The following CAMKK1 variants were observed in gnomAD, a reference collection of about 807,000 sequenced individuals.
CAMKK1 encodes calcium/calmodulin dependent protein kinase kinase 1, also known as calcium/calmodulin-dependent protein kinase kinase 1.
In CAMKK1, 20 loss-of-function variants were observed where a neutral mutation model predicts 63.5. That is an observed-to-expected ratio of 0.32 (90% CI 0.22 to 0.46). The LOEUF (loss-of-function observed/expected upper bound fraction) is 0.46. Ranked by LOEUF, CAMKK1 falls within the 20% of genes least tolerant of loss-of-function variation. The probability of loss-of-function intolerance (pLI) is 1.00; values close to 1 mark genes in which losing one functional copy is unlikely to be tolerated. For missense variants in CAMKK1, 588 were observed against 658.1 expected, an observed-to-expected ratio of 0.89 and a Z score of 1.17; for synonymous variants, 253 against 269.0, an observed-to-expected ratio of 0.94 and a Z score of 0.58.
intron 1 of CAMKK1, among the ~76,000 whole-genome samples, chr17:3,891,470 G>A (rs893711393): frequency 2.6e-5 from 4 of 152,138 alleles, no homozygotes; most frequent in Non-Finnish European, 5.9e-5. Context: ...AGGAAGGAAG[G>A]GGCAGTAGGC....
chr17:3,883,923 C>A lies in CAMKK1; in HGVS notation c.423G>T (p.Val141=), dbSNP rs766191174. The A allele has an allele frequency of 3.7e-6, 6 of 1,613,782 alleles. No homozygotes were observed. In the South Asian group the frequency reaches 6.6e-5, roughly 18 times the overall value. ...CACTTTCGTTGTAGGCCAGCCTCACCACACCGTAGGCACCCTGCAGATAGG... is the reference window on the plus strand; with the variant it reads ...CACTTTCGTTGTAGGCCAGCCTCACAACACCGTAGGCACCCTGCAGATAGG... The part of the protein sequence containing the change: ...QSEIGKGAYG[V]VRLAYNESED... The change falls in exon 4 of 16, where the codon GTG becomes GTT. Residue 141 remains valine, a synonymous_variant. Coordinates refer to ENST00000348335, the MANE Select transcript of CAMKK1 (RefSeq NM_032294.3). This position sits in a 1 kb window ranked among gnomAD's most constrained non-coding sequence, Gnocchi z 4.7.
rs758482516 is a variant in CAMKK1 at position 3,882,590 on chromosome 17, G to A, written c.649-26C>T. 1.9e-6 allele frequency: 3 copies of A among 1,585,632 alleles called. No individual in the cohort carries two copies. The highest frequency in any genetic ancestry group is 1.7e-6 in the Non-Finnish European group (2 of 1,165,936). ...CTGGTCAGAGGGAGCAGACATGGGGGTGGGGCTTGAGGAGGCGTGGGGTTG... is the reference window on the plus strand; with the variant it reads ...CTGGTCAGAGGGAGCAGACATGGGGATGGGGCTTGAGGAGGCGTGGGGTTG... On this transcript the variant is annotated intron_variant, in intron 6 of 15. Transcript: ENST00000348335. The surrounding 1 kb of genome is among the most constrained non-coding windows in gnomAD (Gnocchi z 4.3).
chr17:3,881,688 C>T (rs748652988), intron 7 of CAMKK1, 40 bp from the exon 8 acceptor site: 1 of 1,551,890 alleles, frequency 6.4e-7, no homozygotes, highest in Non-Finnish European at 8.7e-7. Flanking sequence ...AGCTGGCTGG[C>T]AAAGCAGCCG....
intron 14 of CAMKK1, 40 bp from the exon 15 acceptor site, chr17:3,866,051 G>C: frequency 6.2e-7 from 1 of 1,606,344 alleles, no homozygotes; most frequent in Non-Finnish European, 8.5e-7. Context: ...CAGGTCCCAG[G>C]CTCCCAGACA....
chr17:3,875,154 GGAC>G (rs1470555963), intron 10 of CAMKK1, among the ~76,000 whole-genome samples: 1 of 151,978 alleles, frequency 6.6e-6, no homozygotes, highest in Non-Finnish European at 1.5e-5. Context: ...AAAGCCAGTG[GGAC>G]AAAATGTCAA....
At chr17:3,868,770 G>A (rs1264284302) in intron 14 of CAMKK1, among the ~76,000 whole-genome samples, 10 of 149,204 alleles carry the variant, frequency 6.7e-5, no homozygotes, top group South Asian at 2.1e-4. Context: ...CTCCTGCCTC[G>A]GCCTCCCCAG....
At position 3,869,474 on chromosome 17, in the gene CAMKK1, C is replaced by T; in HGVS notation, c.1341+13G>A. ...CCTCCAGGACAAGGGAGCATCTACC[C>T]CGGCTCTCTTACCACCGTGGTCCAG... is the stretch of plus-strand genomic sequence containing the variant. On this transcript the variant is annotated intron_variant, in intron 14 of 15. Coordinates refer to ENST00000348335, the MANE Select transcript of CAMKK1 (RefSeq NM_032294.3). 1 of 1,614,102 alleles carries T rather than the reference C, an allele frequency of 6.2e-7. No homozygotes were observed. The highest frequency in any genetic ancestry group is 8.5e-7 in the Non-Finnish European group (1 of 1,179,990).
rs552417048 is a variant in CAMKK1 at position 3,871,609 on chromosome 17, G to A, written c.1124+945C>T. 2.2e-3 allele frequency among the ~76,000 whole-genome samples: 332 copies of A among 149,026 alleles called. 12 individuals carry two copies. The highest frequency in any genetic ancestry group is 7.6e-3 in the African/African-American group (303 of 39,698). Reference sequence around the variant, plus strand: ...CTGACCTCGTGATCCGCCCTCCTTGGCCTCCCAAAGTGCTGGAATTACAGG... The same window carrying A: ...CTGACCTCGTGATCCGCCCTCCTTGACCTCCCAAAGTGCTGGAATTACAGG... On this transcript the variant is annotated intron_variant, in intron 12 of 15. Transcript: ENST00000348335.
At chr17:3,865,181 T>C (rs1231788121) in intron 15 of CAMKK1, 3 of 985,554 alleles carry the variant, frequency 3.0e-6, no homozygotes, top group Non-Finnish European at 3.6e-6. Context: ...TGGCTTTTAT[T>C]ATAGTGAAGA....
chr17:3,883,899 A>C lies in CAMKK1; in HGVS notation c.447T>G (p.Ser149Arg). The stretch of plus-strand genomic sequence containing the variant: ...CCAGACTCACATAGTGTCTGTCTTC[A>C]CTTTCGTTGTAGGCCAGCCTCACCA... The part of the protein sequence containing the change: ...YGVVRLAYNE[S>R]EDRHYAMKVL... The change falls in exon 4 of 16, where the codon AGT (serine) becomes AGG (arginine). Residue 149 changes from serine (S) to arginine (R), a missense_variant. Coordinates refer to ENST00000348335, the MANE Select transcript of CAMKK1 (RefSeq NM_032294.3). The surrounding 1 kb of genome is among the most constrained non-coding windows in gnomAD (Gnocchi z 4.7). 2.5e-6 allele frequency: 4 copies of C among 1,613,552 alleles called. No homozygotes were observed. The highest frequency in any genetic ancestry group is 2.5e-6 in the Non-Finnish European group (3 of 1,179,904).
Position 3,887,935 on chromosome 17 carries a change from G to A in CAMKK1, c.-43-2205C>T, listed in dbSNP as rs563045798. ...AATGTAAGTTTCATGAGATTAGGAC[G>A]CTCATCTGCCTTGTCTCCAAAAGAT... On this transcript the variant is annotated intron_variant, in intron 1 of 15. Transcript: ENST00000348335. This position sits in a 1 kb window ranked among gnomAD's most constrained non-coding sequence, Gnocchi z 6.1. 1.1e-4 allele frequency among the ~76,000 whole-genome samples: 17 copies of A among 152,210 alleles called. No homozygotes were observed. The highest frequency in any genetic ancestry group is 3.9e-4 in the Admixed American group (6 of 15,292).
At chr17:3,888,865 C>T (rs1044191719) in intron 1 of CAMKK1, among the ~76,000 whole-genome samples, 1 of 152,122 alleles carries the variant, frequency 6.6e-6, no homozygotes, top group African/African-American at 2.4e-5. Flanking sequence ...GGGCGTGTGT[C>T]CCCACAGGAG....
intron 13 of CAMKK1, 84 bp from the exon 14 acceptor site, chr17:3,869,699 C>T (rs549443540): frequency 1.9e-6 from 3 of 1,605,606 alleles, no homozygotes; most frequent in Non-Finnish European, 2.6e-6. Context: ...TCCACAGACT[C>T]AAACCCAACA....
In CAMKK1 at chr17:3,860,929, A is replaced by T. The variant is rs1447047727; in HGVS notation, c.*1282T>A. ...TGTGGCCAAAAGCCCTTGTCCATCC[A>T]TGTTTCCAGGGCAGTGTCCGAGTCC... On this transcript the variant is annotated 3_prime_UTR_variant, in exon 16 of 16. Transcript: ENST00000348335. 6.6e-6 allele frequency: 1 copy of T among 152,150 alleles called. No individual in the cohort carries two copies. The highest frequency in any genetic ancestry group is 2.4e-5 in the African/African-American group (1 of 41,408). 9.4% of individuals were successfully genotyped at this position (152,150 alleles called of 1,614,324 possible). A position where few individuals can be genotyped will look rare whatever the true frequency, so the allele number is the denominator to read the frequency against.
Position 3,862,083 on chromosome 17 carries a change from G to C in CAMKK1, c.*128C>G. 1 of 691,428 alleles carries C rather than the reference G, an allele frequency of 1.4e-6. No individual in the cohort carries two copies. Among genetic ancestry groups the C allele is most frequent in the Non-Finnish European group, 2.5e-6 (1 of 399,998 alleles). The allele number at this position is 691,428 out of a possible 1,614,324, so 42.8% of individuals were successfully genotyped here. ...TGCGTGGAGGTCATGCAGCACGATGGGGGAGGGGCGGGAGTGGGGCTGCAG... is the reference window on the plus strand; with the variant it reads ...TGCGTGGAGGTCATGCAGCACGATGCGGGAGGGGCGGGAGTGGGGCTGCAG... On this transcript the variant is annotated 3_prime_UTR_variant, in exon 16 of 16. Transcript: ENST00000348335. This position sits in a 1 kb window ranked among gnomAD's most constrained non-coding sequence, Gnocchi z 4.1.
chr17:3,869,355 C>T (rs553973599), intron 14 of CAMKK1, 132 bp downstream of exon 14: 31 of 1,240,728 alleles, frequency 2.5e-5, no homozygotes, highest in African/African-American at 1.2e-4. Context: ...AGCAGAATGG[C>T]GGCTCCAGTG....
chr17:3,889,519 G>A lies in CAMKK1; in HGVS notation c.-44+3420C>T, dbSNP rs2055806978. On this transcript the variant is annotated intron_variant, in intron 1 of 15. Coordinates refer to ENST00000348335, the MANE Select transcript of CAMKK1 (RefSeq NM_032294.3). The surrounding 1 kb of genome is among the most constrained non-coding windows in gnomAD (Gnocchi z 5.2). ...TTGGAGCCTCTGTTTCCTAACACGT[G>A]CATCAAGCAGAAGGCCACTGTCCTG... is the stretch of plus-strand genomic sequence containing the variant. Among the ~76,000 whole-genome samples, 1 of 152,004 alleles carries A rather than the reference G, an allele frequency of 6.6e-6. No individual in the cohort carries two copies. The highest frequency in any genetic ancestry group is 1.5e-5 in the Non-Finnish European group (1 of 68,002).
intron 10 of CAMKK1, among the ~76,000 whole-genome samples, chr17:3,874,028 G>A (rs569657719): frequency 6.6e-6 from 1 of 152,136 alleles, no homozygotes; most frequent in Admixed American, 6.6e-5. Flanking sequence ...CTTCTGCTCC[G>A]GAACGCCACC....
At chr17:3,877,434 C>G (rs2055216282) in intron 9 of CAMKK1, among the ~76,000 whole-genome samples, 1 of 152,160 alleles carries the variant, frequency 6.6e-6, no homozygotes, top group Non-Finnish European at 1.5e-5. Context: ...ACAGGTGGCT[C>G]AAGCTGACAT....
Sources: allele counts gnomAD v4.1 joint callset (sites outside exome capture counted in the v4.1 genomes callset), GRCh38; gene constraint gnomAD v4.1.1; non-coding constraint Gnocchi (gnomAD v3.1); transcripts MANE v1.5; gene names NCBI Gene and HGNC (gene_info 2026-07-23, HGNC 2026-07-21).